Variants in WNT3 observed in about 807,000 individuals in gnomAD.
WNT3 encodes the protein Wnt family member 3, also known as proto-oncogene Wnt-3.
WNT3 carries 7 observed loss-of-function variants against 34.2 expected under a neutral mutation model. That is an observed-to-expected ratio of 0.20 (90% CI 0.12 to 0.38). The LOEUF is 0.38. WNT3 is among the 10% of genes least tolerant of loss of function. WNT3 has a pLI of 1.00. For missense variants in WNT3, 267 were observed against 499.8 expected, an observed-to-expected ratio of 0.53 and a Z score of 4.44; for synonymous variants, 212 against 211.5, an observed-to-expected ratio of 1.00 and a Z score of -0.02.
chr17:46,800,579 CACA>C (rs748472057), intron 1 of WNT3, among the ~76,000 whole-genome samples: 30 of 152,194 alleles, frequency 2.0e-4, no homozygotes, highest in Non-Finnish European at 4.4e-5. Flanking sequence ...CAGGAAAATA[CACA>C]ACAAGTACCA....
intron 1 of WNT3, among the ~76,000 whole-genome samples, chr17:46,783,001 G>A (rs1467600278): frequency 6.6e-6 from 1 of 152,174 alleles, no homozygotes; most frequent in Non-Finnish European, 1.5e-5. Context: ...TGCCTCAGGG[G>A]GTGCCTTTCA....
chr17:46,772,990 A>G (rs1204478955), intron 2 of WNT3, among the ~76,000 whole-genome samples: 1 of 152,094 alleles, frequency 6.6e-6, no homozygotes, highest in Non-Finnish European at 1.5e-5. Context: ...CACCCAGTCC[A>G]TGAGCCCCCA....
rs757780285 is a variant in WNT3, at chr17:46,768,368, G to A, written c.1020C>T (p.Val340=). 17 of 1,613,850 alleles carry A rather than the reference G, an allele frequency of 1.1e-5. No homozygotes were observed. The highest frequency in any genetic ancestry group is 1.4e-5 in the Non-Finnish European group (17 of 1,180,030). Residue 340 remains valine, a synonymous_variant, in exon 4 of 5, where the codon GTC becomes GTT. Transcript: ENST00000225512. The surrounding 1 kb of genome is among the most constrained non-coding windows in gnomAD (Gnocchi z 5.0). ...CHCIFHWCCY[V]SCQECIRIYD... is the part of the protein sequence containing the mutation. ...AGATGCGAATACACTCCTGGCAGCT[G>A]ACGTAGCAGCACCAGTGGAAGATGC...
At chr17:46,802,426 C>T (rs772005397) in intron 1 of WNT3, among the ~76,000 whole-genome samples, 1 of 152,138 alleles carries the variant, frequency 6.6e-6, no homozygotes, top group African/African-American at 2.4e-5. Flanking sequence ...CCACCATGCT[C>T]GGCTAATTTT....
chr17:46,772,764 C>G (rs2059384928), intron 2 of WNT3, among the ~76,000 whole-genome samples: 2 of 152,130 alleles, frequency 1.3e-5, no homozygotes, highest in African/African-American at 4.8e-5. Context: ...TGTCAGCTTC[C>G]CCCCCAACCC....
At chr17:46,796,208 G>T (rs987233512) in intron 1 of WNT3, among the ~76,000 whole-genome samples, 2 of 152,188 alleles carry the variant, frequency 1.3e-5, no homozygotes, top group Non-Finnish European at 2.9e-5. Context: ...ACTTCAAAGA[G>T]GCTGCGGGGA....
intron 1 of WNT3, among the ~76,000 whole-genome samples, chr17:46,817,844 C>G (rs1409163725): frequency 6.6e-6 from 1 of 152,096 alleles, no homozygotes; most frequent in African/African-American, 2.4e-5. Flanking sequence ...CAAGGAACCC[C>G]CCTTTTGCCA....
intron 1 of WNT3, 131 bp downstream of exon 1, chr17:46,818,387 C>T: frequency 7.0e-6 from 5 of 714,362 alleles, no homozygotes; most frequent in East Asian, 3.0e-5. Flanking sequence ...GAGGGGTGGG[C>T]GGGTGGGGGG....
At chr17:46,815,815 C>T (rs1166031508) in intron 1 of WNT3, among the ~76,000 whole-genome samples, 1 of 152,208 alleles carries the variant, frequency 6.6e-6, no homozygotes, top group Non-Finnish European at 1.5e-5. Flanking sequence ...GAGACTTTTG[C>T]TTCCTGTTGG....
At chr17:46,771,357 G>A (rs1230223695) in intron 2 of WNT3, among the ~76,000 whole-genome samples, 1 of 151,874 alleles carries the variant, frequency 6.6e-6, no homozygotes, top group Non-Finnish European at 1.5e-5. Flanking sequence ...CCCCAGCCCT[G>A]GGGGCGCCTC....
intron 1 of WNT3, among the ~76,000 whole-genome samples, chr17:46,775,908 C>T (rs754929567): frequency 3.3e-5 from 5 of 152,140 alleles, no homozygotes; most frequent in Non-Finnish European, 5.9e-5. Context: ...CCACCACGCC[C>T]GGCCCAGAAG....
At chr17:46,810,021 T>TTTTTTTC (rs1352174092) in intron 1 of WNT3, among the ~76,000 whole-genome samples, 2 of 149,974 alleles carry the variant, frequency 1.3e-5, no homozygotes, top group African/African-American at 2.5e-5. Context: ...TTTTTTTTTT[T>TTTTTTTC]TTGAGACAGA....
intron 4 of WNT3, among the ~76,000 whole-genome samples, chr17:46,765,586 A>T (rs1257843792): frequency 6.6e-6 from 1 of 152,230 alleles, no homozygotes; most frequent in Non-Finnish European, 1.5e-5. Flanking sequence ...GGAAGACAAG[A>T]GAACAGCTAA....
intron 1 of WNT3, among the ~76,000 whole-genome samples, chr17:46,815,015 G>A (rs966861540): frequency 2.0e-5 from 3 of 152,212 alleles, no homozygotes; most frequent in Admixed American, 2.0e-4. Context: ...TGGGTGAAGT[G>A]TAAGGAAGCA....
At chr17:46,774,881 C>A (rs898601443) in intron 1 of WNT3, among the ~76,000 whole-genome samples, 10 of 152,172 alleles carry the variant, frequency 6.6e-5, no homozygotes, top group African/African-American at 2.4e-4. Context: ...GTGTCAGTGG[C>A]CTTCAAGGAC....
chr17:46,769,302 C>T (rs1304024405), intron 3 of WNT3, among the ~76,000 whole-genome samples: 3 of 132,546 alleles, frequency 2.3e-5, no homozygotes, highest in Admixed American at 8.5e-5. Context: ...GGCGACTGAG[C>T]GAGACTCCGT....
At chr17:46,807,637 G>C (rs1302524937) in intron 1 of WNT3, among the ~76,000 whole-genome samples, 1 of 152,242 alleles carries the variant, frequency 6.6e-6, no homozygotes, top group Admixed American at 6.5e-5. Context: ...AGGATTTGAA[G>C]AGGTTGACAG....
chr17:46,777,494 G>A (rs1274610411), intron 1 of WNT3, among the ~76,000 whole-genome samples: 1 of 152,230 alleles, frequency 6.6e-6, no homozygotes, highest in Admixed American at 6.5e-5. Flanking sequence ...CTCAAAGGTC[G>A]GAGTGCTTCC....
chr17:46,777,891 A>G (rs2059425143), intron 1 of WNT3, among the ~76,000 whole-genome samples: 1 of 151,546 alleles, frequency 6.6e-6, no homozygotes, highest in South Asian at 2.1e-4. Context: ...TTTCCACCAA[A>G]CCCTGTCTCC....
Sources: allele counts gnomAD v4.1 joint callset (sites outside exome capture counted in the v4.1 genomes callset), GRCh38; gene constraint gnomAD v4.1.1; non-coding constraint Gnocchi (gnomAD v3.1); transcripts MANE v1.5; gene names NCBI Gene and HGNC (gene_info 2026-07-23, HGNC 2026-07-21).